UTRN: variants seen among roughly 807,000 people sequenced by gnomAD.
UTRN encodes utrophin.
Under a neutral mutation model 463.9 loss-of-function variants are expected in UTRN, and 283 were observed. The ratio of observed to expected loss-of-function variants is 0.61; its 90% confidence interval spans 0.55 to 0.67. The LOEUF (loss-of-function observed/expected upper bound fraction) is 0.67, where lower values mean the gene tolerates loss of function less well. Ranked by LOEUF, UTRN falls within the 30% of genes least tolerant of loss-of-function variation. The pLI, the probability that UTRN is intolerant of heterozygous loss-of-function variation, is 0.00. For synonymous variants in UTRN, 1,442 were observed against 1,431.5 expected (o/e 1.01, Z -0.17); for missense variants, 3,922 against 4,084.3 (o/e 0.96, Z 1.08).
chr6:144,495,222 C>T (rs190118249), intron 33 of UTRN, among the ~76,000 whole-genome samples: 28 of 152,244 alleles, frequency 1.8e-4, no homozygotes, highest in African/African-American at 5.5e-4. Flanking sequence ...AGGGAGGCTC[C>T]GGCCGCACAG....
At chr6:144,463,323 C>T (rs749222130) in intron 23 of UTRN, among the ~76,000 whole-genome samples, 2 of 152,250 alleles carry the variant, frequency 1.3e-5, no homozygotes, top group South Asian at 2.1e-4. Flanking sequence ...GAAGGCAAAT[C>T]GTTCCAGGGA....
chr6:144,474,736 C>G lies in UTRN; in HGVS notation c.3313C>G (p.Gln1105Glu). 6.2e-7 allele frequency: 1 copy of G among 1,613,270 alleles called. No homozygotes were observed. The highest frequency in any genetic ancestry group is 2.2e-5 in the East Asian group (1 of 44,852). ...GACAAGACTAGGTGACTACCAAACT[C>G]AACTGGAGAAACTTAGCAAGGAGGT... ...VQTRLGDYQT[Q>E]LEKLSKEIAT... Residue 1105 changes from glutamine (Q) to glutamate (E), a missense_variant, in exon 25 of 75, where the codon CAA (glutamine) becomes GAA (glutamate). Coordinates refer to ENST00000367545, the MANE Select transcript of UTRN (RefSeq NM_007124.3).
intron 2 of UTRN, among the ~76,000 whole-genome samples, chr6:144,375,641 G>A (rs1430318193): frequency 6.6e-6 from 1 of 152,108 alleles, no homozygotes; most frequent in Non-Finnish European, 1.5e-5. Flanking sequence ...GCTTTTGCCT[G>A]GCTACTGATT....
chr6:144,842,110 CAAAAAA>C (rs35954430), intron 73 of UTRN, among the ~76,000 whole-genome samples: 100 of 62,100 alleles, frequency 1.6e-3, no homozygotes, highest in African/African-American at 2.0e-3. Flanking sequence ...ACTTCCTCTC[CAAAAAA>C]AAAAAAAAAA....
At chr6:144,477,869 C>CTA (rs150288402) in intron 25 of UTRN, among the ~76,000 whole-genome samples, 1 of 148,790 alleles carries the variant, frequency 6.7e-6, no homozygotes, top group Non-Finnish European at 1.5e-5. Context: ...AAGTTTGTAT[C>CTA]TCTATCTATC....
chr6:144,725,187 A>T (rs1466968373), intron 53 of UTRN, among the ~76,000 whole-genome samples: 1 of 152,172 alleles, frequency 6.6e-6, no homozygotes, highest in Non-Finnish European at 1.5e-5. Flanking sequence ...ACAAGATCTG[A>T]TGGTTTTATA....
intron 58 of UTRN, among the ~76,000 whole-genome samples, chr6:144,761,989 G>T (rs1322044440): frequency 6.6e-6 from 1 of 152,110 alleles, no homozygotes; most frequent in Non-Finnish European, 1.5e-5. Flanking sequence ...AATGATCATT[G>T]TAATAAATTA....
intron 2 of UTRN, among the ~76,000 whole-genome samples, chr6:144,382,129 C>T (rs147941693): frequency 6.6e-6 from 1 of 152,112 alleles, no homozygotes; most frequent in East Asian, 1.9e-4. Flanking sequence ...TTTTAATATG[C>T]TTGGCCACAT....
intron 68 of UTRN, among the ~76,000 whole-genome samples, 198 bp downstream of exon 68, chr6:144,827,874 A>G (rs1455151264): frequency 6.6e-6 from 1 of 152,182 alleles, no homozygotes; most frequent in Admixed American, 6.6e-5. Flanking sequence ...TATATATTCT[A>G]TGAAAAGTAA....
At chr6:144,723,922 A>G (rs1390283043) in intron 53 of UTRN, among the ~76,000 whole-genome samples, 1 of 147,968 alleles carries the variant, frequency 6.8e-6, no homozygotes. Flanking sequence ...AGGCGGCAGA[A>G]TTGCTTGAGC....
At chr6:144,481,376 A>C (rs1791840085) in intron 26 of UTRN, among the ~76,000 whole-genome samples, 1 of 152,220 alleles carries the variant, frequency 6.6e-6, no homozygotes, top group South Asian at 2.1e-4. Context: ...TAGCACTGAG[A>C]AACAGCTATT....
intron 3 of UTRN, among the ~76,000 whole-genome samples, chr6:144,421,044 T>C (rs1405634446): frequency 6.6e-6 from 1 of 152,236 alleles, no homozygotes; most frequent in African/African-American, 2.4e-5. Flanking sequence ...TCTTGCCATG[T>C]TGCCCAGGCT....
intron 65 of UTRN, among the ~76,000 whole-genome samples, chr6:144,810,423 A>T (rs760805417): frequency 3.9e-5 from 6 of 152,164 alleles, no homozygotes; most frequent in Non-Finnish European, 5.9e-5. Flanking sequence ...ATTCAAGGAG[A>T]TAGGTTGAAA....
At chr6:144,820,843 A>G (rs1779539827) in intron 65 of UTRN, 39 bp from the exon 66 acceptor site, 13 of 1,590,650 alleles carry the variant, frequency 8.2e-6, no homozygotes, top group African/African-American at 1.3e-5. Context: ...ATTGCCTTCC[A>G]TTTTACTGAG....
At chr6:144,649,409 A>G (rs1216106236) in intron 51 of UTRN, among the ~76,000 whole-genome samples, 5 of 152,218 alleles carry the variant, frequency 3.3e-5, no homozygotes, top group Non-Finnish European at 7.3e-5. Context: ...ATTTAAATGA[A>G]TTAAAATCAA....
Position 144,521,959 on chromosome 6 carries a change from T to A in UTRN, c.5542-21T>A, listed in dbSNP as rs1009519450. ...GAGATATATATATATATATATATTT[T>A]TTTTTTTGCTGTTTTTGTAGGCAAT... On this transcript the variant is annotated intron_variant, in intron 39 of 74. Transcript: ENST00000367545. The A allele has an allele frequency of 1.9e-5, 27 of 1,401,526 alleles. No individual in the cohort carries two copies. In the African/African-American group the frequency reaches 2.6e-4, roughly 13 times the overall value. 86.8% of individuals were successfully genotyped at this position (1,401,526 alleles called of 1,614,324 possible). A position where few individuals can be genotyped will look rare whatever the true frequency, so the allele number is the denominator to read the frequency against.
chr6:144,586,074 C>T (rs749132945), intron 51 of UTRN, among the ~76,000 whole-genome samples: 1 of 151,684 alleles, frequency 6.6e-6, no homozygotes, highest in African/African-American at 2.4e-5. Context: ...TAGACTTTTC[C>T]CTCTGTGGCA....
intron 2 of UTRN, among the ~76,000 whole-genome samples, chr6:144,362,215 ATT>A (rs1303759253): frequency 3.9e-5 from 6 of 152,036 alleles, no homozygotes; most frequent in Non-Finnish European, 2.9e-5. Context: ...CAGGGTAGAA[ATT>A]TCCTGCTCAG....
At chr6:144,543,352 T>C (rs542751875) in intron 46 of UTRN, among the ~76,000 whole-genome samples, 41 of 152,312 alleles carry the variant, frequency 2.7e-4, no homozygotes, top group Non-Finnish European at 5.3e-4. Flanking sequence ...AGGAGACAAA[T>C]ACTTCTCACT....
Sources: gnomAD v4.1 joint callset for allele counts (sites outside exome capture counted in the v4.1 genomes callset) on GRCh38, gnomAD v4.1.1 for gene constraint, MANE v1.5 for transcripts, NCBI Gene and HGNC (gene_info 2026-07-23, HGNC 2026-07-21) for gene names.